Variants in OXR1 observed in about 807,000 individuals in gnomAD.
The protein encoded by OXR1 is oxidation resistance 1, also known as oxidation resistance protein 1.
OXR1 carries 41 observed loss-of-function variants against 104.6 expected under a neutral mutation model. The observed-to-expected ratio is 0.39, with a 90% CI of 0.31 to 0.51. The LOEUF is 0.51. Ranked by LOEUF, OXR1 falls within the 20% of genes least tolerant of loss-of-function variation. The pLI is 0.77. For missense variants in OXR1, 955 were observed against 1,031.9 expected (o/e 0.93, Z 1.02); for synonymous variants, 348 against 348.4 (o/e 1.00, Z 0.01).
At chr8:106,666,285 T>C (rs1826320662) in intron 3 of OXR1, among the ~76,000 whole-genome samples, 1 of 152,194 alleles carries the variant, frequency 6.6e-6, no homozygotes, top group South Asian at 2.1e-4. Context: ...TTTGAGGTGA[T>C]GAAAATGGTC....
intron 3 of OXR1, among the ~76,000 whole-genome samples, chr8:106,535,673 A>G (rs976698971): frequency 1.3e-5 from 2 of 152,208 alleles, no homozygotes; most frequent in Non-Finnish European, 2.9e-5. Flanking sequence ...ACCCTATTAT[A>G]AAGTTACATT....
intron 1 of OXR1, among the ~76,000 whole-genome samples, chr8:106,326,122 G>A (rs186393323): frequency 5.3e-4 from 81 of 152,278 alleles, no homozygotes; most frequent in South Asian, 2.1e-3. Flanking sequence ...GATAATTATC[G>A]TATTGGTGGG....
intron 3 of OXR1, among the ~76,000 whole-genome samples, chr8:106,629,499 A>T (rs1822485599): frequency 6.6e-6 from 1 of 152,176 alleles, no homozygotes; most frequent in South Asian, 2.1e-4. Flanking sequence ...ATTTGGTAAA[A>T]ATAGCAGATG....
intron 2 of OXR1, among the ~76,000 whole-genome samples, chr8:106,426,962 A>G (rs1819146870): frequency 6.6e-6 from 1 of 152,158 alleles, no homozygotes; most frequent in Non-Finnish European, 1.5e-5. Context: ...TGCTAAGTTA[A>G]AAATGGTAAG....
At chr8:106,695,347 T>A (rs1829902110) in intron 7 of OXR1, among the ~76,000 whole-genome samples, 1 of 151,502 alleles carries the variant, frequency 6.6e-6, no homozygotes, top group Non-Finnish European at 1.5e-5. Flanking sequence ...TCTTTCAGTG[T>A]TTATTTGCCT....
chr8:106,544,053 GCA>G (rs1207044367), intron 3 of OXR1, among the ~76,000 whole-genome samples: 1 of 152,110 alleles, frequency 6.6e-6, no homozygotes, highest in Non-Finnish European at 1.5e-5. Context: ...ATAATAAAAA[GCA>G]CACTAGTCAG....
At chr8:106,658,136 CG>C in intron 3 of OXR1, 1 of 1,245,812 alleles carries the variant, frequency 8.0e-7, no homozygotes, top group Non-Finnish European at 1.0e-6. Flanking sequence ...ACCTCGGGTG[CG>C]GGTCCCCGCC....
chr8:106,294,658 G>A (rs1812915119), intron 1 of OXR1, among the ~76,000 whole-genome samples: 1 of 152,000 alleles, frequency 6.6e-6, no homozygotes, highest in African/African-American at 2.4e-5. Context: ...ATAACCAAAT[G>A]TCATGGGAAC....
intron 2 of OXR1, among the ~76,000 whole-genome samples, chr8:106,451,876 G>C (rs1296192813): frequency 6.6e-6 from 1 of 152,158 alleles, no homozygotes; most frequent in Non-Finnish European, 1.5e-5. Flanking sequence ...AGGTTAGTGG[G>C]TGAGACTGAG....
At chr8:106,636,243 T>C (rs1823122216) in intron 3 of OXR1, among the ~76,000 whole-genome samples, 1 of 152,230 alleles carries the variant, frequency 6.6e-6, no homozygotes, top group African/African-American at 2.4e-5. Flanking sequence ...GGTATGTGTT[T>C]GTCATATAGA....
At chr8:106,496,481 C>T (rs1283903123) in intron 2 of OXR1, among the ~76,000 whole-genome samples, 1 of 152,222 alleles carries the variant, frequency 6.6e-6, no homozygotes, top group African/African-American at 2.4e-5. Flanking sequence ...ACTTATTCTG[C>T]TCCATGTCTC....
chr8:106,533,266 T>C (rs1167101731), intron 3 of OXR1, among the ~76,000 whole-genome samples: 1 of 152,228 alleles, frequency 6.6e-6, no homozygotes, highest in Non-Finnish European at 1.5e-5. Context: ...CTTCCTGCTC[T>C]ATAATCCAAT....
intron 3 of OXR1, among the ~76,000 whole-genome samples, chr8:106,550,009 C>T (rs1815679125): frequency 6.6e-6 from 1 of 152,184 alleles, no homozygotes; most frequent in Non-Finnish European, 1.5e-5. Flanking sequence ...TAAACATTTC[C>T]TGGATATCTA....
At chr8:106,516,805 C>A (rs1444063570) in intron 2 of OXR1, among the ~76,000 whole-genome samples, 1 of 152,080 alleles carries the variant, frequency 6.6e-6, no homozygotes, top group Non-Finnish European at 1.5e-5. Context: ...AGACCTCATT[C>A]ATGTAACTTT....
Position 106,382,682 on chromosome 8 carries a change from G to GTTT in OXR1, c.23+23070_23+23072dup, listed in dbSNP as rs35296978. Among the ~76,000 whole-genome samples the GTTT allele has an allele frequency of 5.4e-3, 468 of 86,200 alleles. 23 individuals are homozygous for GTTT. Among genetic ancestry groups the GTTT allele is most frequent in the African/African-American group, 7.2e-3 (169 of 23,482 alleles). The allele number at this position is 86,200 out of a possible 152,430, so 56.6% of individuals were successfully genotyped here. On this transcript the variant is annotated intron_variant, in intron 2 of 16. Transcript: ENST00000517566. ...TCCTATCCAGGTCTGAGAACTATAGGTTTTTTTTTTTTTTTTTTTTTTTTT... is the reference window on the plus strand; with the variant it reads ...TCCTATCCAGGTCTGAGAACTATAGGTTTTTTTTTTTTTTTTTTTTTTTTTTTT...
intron 1 of OXR1, among the ~76,000 whole-genome samples, chr8:106,287,036 T>C (rs900621045): frequency 6.6e-6 from 1 of 152,178 alleles, no homozygotes; most frequent in Non-Finnish European, 1.5e-5. Flanking sequence ...ATCGTAGGTA[T>C]CAGTTTCTTA....
intron 2 of OXR1, among the ~76,000 whole-genome samples, chr8:106,483,141 A>G (rs79704260): frequency 6.9e-4 from 105 of 152,172 alleles, no homozygotes; most frequent in African/African-American, 2.4e-3. Flanking sequence ...AGCAAATATC[A>G]TGCTTCACAG....
intron 2 of OXR1, among the ~76,000 whole-genome samples, chr8:106,371,647 A>G (rs955176319): frequency 6.6e-6 from 1 of 152,198 alleles, no homozygotes; most frequent in Non-Finnish European, 1.5e-5. Context: ...TAATTTCATT[A>G]TGTACCCAGG....
intron 1 of OXR1, among the ~76,000 whole-genome samples, chr8:106,287,524 A>G (rs189150512): frequency 2.6e-5 from 4 of 152,268 alleles, no homozygotes; most frequent in African/African-American, 9.6e-5. Flanking sequence ...TTAGAGGGAA[A>G]AGTGCAATAA....
Sources: allele counts gnomAD v4.1 joint callset (sites outside exome capture counted in the v4.1 genomes callset), GRCh38; gene constraint gnomAD v4.1.1; transcripts MANE v1.5; gene names NCBI Gene and HGNC (gene_info 2026-07-23, HGNC 2026-07-21).